FBXL17: variants seen among roughly 807,000 people sequenced by gnomAD.
FBXL17 encodes the protein F-box/LRR-repeat protein 17.
A neutral mutation model predicts 66.2 loss-of-function variants in FBXL17; 22 were observed. The observed-to-expected ratio is 0.33, with a 90% CI of 0.24 to 0.47. The LOEUF is 0.47. Among genes scored for constraint, FBXL17 ranks in the 20% least tolerant of loss-of-function variants. The probability of loss-of-function intolerance (pLI) is 1.00; values close to 1 mark genes in which losing one functional copy is unlikely to be tolerated. For missense variants in FBXL17, 878 were observed against 948.2 expected, an observed-to-expected ratio of 0.93 and a Z score of 0.97; for synonymous variants, 474 against 400.5, an observed-to-expected ratio of 1.18 and a Z score of -2.19.
chr5:108,116,250 T>G (rs1274956485), intron 6 of FBXL17, among the ~76,000 whole-genome samples: 1 of 152,094 alleles, frequency 6.6e-6, no homozygotes, highest in Non-Finnish European at 1.5e-5. Context: ...CAACAAAATA[T>G]AAAGCAGATG....
intron 4 of FBXL17, among the ~76,000 whole-genome samples, chr5:108,305,253 G>A (rs1323121582): frequency 6.6e-6 from 1 of 152,032 alleles, no homozygotes; most frequent in East Asian, 1.9e-4. Context: ...ATAGCTGAAT[G>A]ATGAGAACAC....
intron 7 of FBXL17, among the ~76,000 whole-genome samples, chr5:107,916,076 ATCT>A (rs1314357689): frequency 2.1e-4 from 32 of 152,310 alleles, no homozygotes; most frequent in Admixed American, 2.0e-3. Flanking sequence ...TTGCTTAAAG[ATCT>A]TCTGTGTAGC....
chr5:108,343,622 G>C (rs1441626961), intron 4 of FBXL17, among the ~76,000 whole-genome samples: 1 of 152,098 alleles, frequency 6.6e-6, no homozygotes, highest in Non-Finnish European at 1.5e-5. Flanking sequence ...GTCAGGAAAT[G>C]GAAGCTTTCA....
chr5:108,337,221 A>C (rs974677623), intron 4 of FBXL17, among the ~76,000 whole-genome samples: 9 of 150,132 alleles, frequency 6.0e-5, no homozygotes, highest in Non-Finnish European at 8.9e-5. Flanking sequence ...GTGCCACTGC[A>C]CTCCAGCCTG....
intron 7 of FBXL17, among the ~76,000 whole-genome samples, chr5:107,885,521 A>G (rs1349823652): frequency 1.3e-5 from 2 of 152,342 alleles, no homozygotes; most frequent in East Asian, 3.9e-4. Context: ...ATATCCATAC[A>G]TAGGAGAGTG....
chr5:108,285,642 C>A (rs1757869285), intron 4 of FBXL17, among the ~76,000 whole-genome samples: 1 of 151,648 alleles, frequency 6.6e-6, no homozygotes, highest in African/African-American at 2.4e-5. Flanking sequence ...AGCGGGCTTA[C>A]AATATTCAGC....
intron 5 of FBXL17, among the ~76,000 whole-genome samples, chr5:108,221,781 G>C (rs1488455982): frequency 6.6e-6 from 1 of 152,046 alleles, no homozygotes; most frequent in Non-Finnish European, 1.5e-5. Flanking sequence ...AAAATAAAAA[G>C]CATTAATTTT....
At chr5:108,103,929 C>T (rs1227884083) in intron 6 of FBXL17, among the ~76,000 whole-genome samples, 2 of 152,200 alleles carry the variant, frequency 1.3e-5, no homozygotes, top group African/African-American at 2.4e-5. Flanking sequence ...ACCCGCTATC[C>T]TTTTCCCTCA....
chr5:107,975,376 T>C, intron 7 of FBXL17, among the ~76,000 whole-genome samples: 1 of 152,232 alleles, frequency 6.6e-6, no homozygotes, highest in South Asian at 2.1e-4. Context: ...GTTTAATTAC[T>C]AGGATTAAGT....
chr5:108,163,082 G>C (rs1338370334), intron 6 of FBXL17, among the ~76,000 whole-genome samples: 1 of 152,108 alleles, frequency 6.6e-6, no homozygotes. Flanking sequence ...GTACCATTAT[G>C]ATTCAGAGCA....
chr5:107,950,216 A>G (rs1218735321), intron 7 of FBXL17, among the ~76,000 whole-genome samples: 1 of 152,040 alleles, frequency 6.6e-6, no homozygotes, highest in Non-Finnish European at 1.5e-5. Context: ...CCTATAGGAG[A>G]CCTCTCTGCT....
At chr5:107,950,073 C>T (rs1751446610) in intron 7 of FBXL17, among the ~76,000 whole-genome samples, 1 of 152,030 alleles carries the variant, frequency 6.6e-6, no homozygotes, top group South Asian at 2.1e-4. Context: ...TTTTTCTGAA[C>T]AGATGAAAGT....
chr5:108,077,266 T>A (rs1310909772), intron 6 of FBXL17, among the ~76,000 whole-genome samples: 1 of 152,212 alleles, frequency 6.6e-6, no homozygotes, highest in Non-Finnish European at 1.5e-5. Context: ...TTGATGCAAA[T>A]AGGCCAAGTA....
intron 3 of FBXL17, among the ~76,000 whole-genome samples, chr5:108,352,581 G>A (rs780948541): frequency 6.6e-6 from 1 of 151,984 alleles, no homozygotes; most frequent in Non-Finnish European, 1.5e-5. Flanking sequence ...TGTGATCTCG[G>A]CTCACTGCAA....
At chr5:108,301,169 T>C (rs1276745556) in intron 4 of FBXL17, among the ~76,000 whole-genome samples, 1 of 151,808 alleles carries the variant, frequency 6.6e-6, no homozygotes, top group African/African-American at 2.4e-5. Context: ...GAATTTATTA[T>C]TCCTGCCACT....
intron 6 of FBXL17, among the ~76,000 whole-genome samples, chr5:108,086,326 G>A (rs562301246): frequency 2.5e-4 from 38 of 152,176 alleles, no homozygotes; most frequent in Non-Finnish European, 4.7e-4. Flanking sequence ...GACAGGCCTT[G>A]GTGGGTCCAC....
chr5:107,916,768 A>G (rs1750147018), intron 7 of FBXL17, among the ~76,000 whole-genome samples: 1 of 152,182 alleles, frequency 6.6e-6, no homozygotes, highest in Admixed American at 6.5e-5. Flanking sequence ...TCTTCCCTTT[A>G]TCTTGTTCAT....
intron 7 of FBXL17, among the ~76,000 whole-genome samples, chr5:108,006,039 T>C (rs1279584663): frequency 6.6e-6 from 1 of 152,240 alleles, no homozygotes; most frequent in Non-Finnish European, 1.5e-5. Flanking sequence ...CTTGTCTTGC[T>C]GAGCACACTG....
At chr5:108,368,903 G>A (rs1748842616) in intron 1 of FBXL17, among the ~76,000 whole-genome samples, 3 of 125,314 alleles carry the variant, frequency 2.4e-5, no homozygotes, top group Non-Finnish European at 3.2e-5. Context: ...AAATAAGATA[G>A]CTACAAGGAT....
Sources: allele counts gnomAD v4.1 joint callset (sites outside exome capture counted in the v4.1 genomes callset), GRCh38; gene constraint gnomAD v4.1.1; transcripts MANE v1.5; gene names NCBI Gene and HGNC (gene_info 2026-07-23, HGNC 2026-07-21).